SEMA4D: variants seen among roughly 807,000 people sequenced by gnomAD.
SEMA4D encodes semaphorin 4D.
SEMA4D carries 22 observed loss-of-function variants against 74.8 expected under a neutral mutation model. That is an observed-to-expected ratio of 0.29 (90% CI 0.21 to 0.42). The LOEUF is 0.42. Ranked by LOEUF, SEMA4D falls within the 10% of genes least tolerant of loss-of-function variation. The probability of loss-of-function intolerance (pLI) is 1.00; values close to 1 mark genes in which losing one functional copy is unlikely to be tolerated. For synonymous variants in SEMA4D, 445 were observed against 463.7 expected (o/e 0.96, Z 0.52); for missense variants, 937 against 1,118.4 (o/e 0.84, Z 2.31).
In SEMA4D at chr9:89,381,610, C is replaced by T. The variant is rs2132746178; in HGVS notation, c.1447-264G>A. On this transcript the variant is annotated intron_variant, in intron 13 of 15. Coordinates refer to ENST00000422704, the MANE Select transcript of SEMA4D (RefSeq NM_001371194.2). The surrounding 1 kb of genome is among the most constrained non-coding windows in gnomAD (Gnocchi z 4.6). ...CTGGGCACCCACAGGTGCCTGCCCT[C>T]CAGCAAAGCGCTTCTCTGCACGTGT... 2.7e-6 allele frequency: 1 copy of T among 372,990 alleles called. No homozygotes were observed. The highest frequency in any genetic ancestry group is 2.0e-5 in the African/African-American group (1 of 48,984). 23.1% of individuals were successfully genotyped at this position (372,990 alleles called of 1,614,324 possible).
At chr9:89,416,750 T>C (rs1048886958) in intron 2 of SEMA4D, among the ~76,000 whole-genome samples, 5 of 152,244 alleles carry the variant, frequency 3.3e-5, no homozygotes, top group Admixed American at 1.3e-4. Context: ...TACTTTTATA[T>C]TGCTTCTGTA....
Position 89,388,851 on chromosome 9 carries a change from G to A in SEMA4D, c.950+21C>T, listed in dbSNP as rs367972555. 77 of 1,610,218 alleles carry A rather than the reference G, an allele frequency of 4.8e-5. 2 individuals carry two copies. The highest frequency in any genetic ancestry group is 1.2e-4 in the South Asian group (11 of 91,052). ...GCGGCATCAAGGGAGCAAGGAGGGG[G>A]ACTCCACCCAGGGCACTTACAGCTG... On this transcript the variant is annotated intron_variant, in intron 10 of 15. Transcript: ENST00000422704.
At chr9:89,434,341 G>A (rs558816167) in intron 2 of SEMA4D, among the ~76,000 whole-genome samples, 2 of 152,312 alleles carry the variant, frequency 1.3e-5, no homozygotes, top group African/African-American at 4.8e-5. Flanking sequence ...GGCGTTGGGC[G>A]CCTTCTCAAT....
chr9:89,437,860 G>A (rs540102579), intron 2 of SEMA4D, among the ~76,000 whole-genome samples: 1 of 152,356 alleles, frequency 6.6e-6, no homozygotes, highest in Non-Finnish European at 1.5e-5. Flanking sequence ...ACAGGGACAT[G>A]CTTGAACCCA....
chr9:89,363,266 T>TC (rs1564475660), intron 18 of SEMA4D, among the ~76,000 whole-genome samples: 17 of 142,734 alleles, frequency 1.2e-4, no homozygotes, highest in African/African-American at 3.8e-4. Flanking sequence ...GACGTGGGAT[T>TC]TCCCCCCCCA....
At chr9:89,479,495 G>A (rs771974763) in intron 1 of SEMA4D, 4 of 175,880 alleles carry the variant, frequency 2.3e-5, no homozygotes, top group African/African-American at 2.4e-5. Context: ...TATTGTGTCC[G>A]GAATTGGTGG....
chr9:89,471,698 T>G (rs1203840680), intron 1 of SEMA4D, among the ~76,000 whole-genome samples: 1 of 146,122 alleles, frequency 6.8e-6, no homozygotes, highest in African/African-American at 2.6e-5. Context: ...GCATGCCAGA[T>G]AGGGTGCACG....
chr9:89,449,924 T>C, intron 2 of SEMA4D: 1 of 1,453,550 alleles, frequency 6.9e-7, no homozygotes, highest in Non-Finnish European at 9.6e-7. Flanking sequence ...CTAATGTAGC[T>C]CGTACTTTTC....
At chr9:89,450,124 A>G in intron 2 of SEMA4D, 2 of 1,244,564 alleles carry the variant, frequency 1.6e-6, no homozygotes, top group African/African-American at 3.0e-5. Context: ...CTGTCACACC[A>G]GCTGAAGCAG....
chr9:89,475,666 G>A (rs1289569961), intron 1 of SEMA4D, among the ~76,000 whole-genome samples: 1 of 152,170 alleles, frequency 6.6e-6, no homozygotes, highest in Admixed American at 6.5e-5. Context: ...GCCTGCCGTG[G>A]ACCACCAGGC....
intron 1 of SEMA4D, among the ~76,000 whole-genome samples, chr9:89,471,017 A>G (rs1860049311): frequency 6.6e-6 from 1 of 152,264 alleles, no homozygotes; most frequent in Admixed American, 6.5e-5. Context: ...GCACACTGAG[A>G]TAATCATTCT....
chr9:89,415,012 A>G (rs1177019950), intron 2 of SEMA4D, among the ~76,000 whole-genome samples: 1 of 152,226 alleles, frequency 6.6e-6, no homozygotes, highest in Non-Finnish European at 1.5e-5. Context: ...TGTCGGCAGG[A>G]CAAGCGCTAT....
chr9:89,362,528 C>T (rs45440499), intron 18 of SEMA4D: 31 of 1,599,298 alleles, frequency 1.9e-5, no homozygotes, highest in Non-Finnish European at 2.6e-5. Flanking sequence ...GCAGAGCACT[C>T]AAGGCCTCAG....
chr9:89,382,310 G>A (rs1045342886), intron 13 of SEMA4D, among the ~76,000 whole-genome samples: 1 of 152,222 alleles, frequency 6.6e-6, no homozygotes, highest in African/African-American at 2.4e-5. Context: ...ACAGCCTGGG[G>A]ACACCTTTTG....
At chr9:89,474,632 G>A (rs1382917889) in intron 1 of SEMA4D, among the ~76,000 whole-genome samples, 1 of 152,166 alleles carries the variant, frequency 6.6e-6, no homozygotes, top group Non-Finnish European at 1.5e-5. Context: ...CCCTGGAAGA[G>A]GACAAGGGCT....
At chr9:89,485,780 C>A (rs1234734055) in intron 1 of SEMA4D, among the ~76,000 whole-genome samples, 1 of 84,242 alleles carries the variant, frequency 1.2e-5, no homozygotes, top group Admixed American at 1.7e-4. Context: ...AAGAGCAAAA[C>A]TCCATCTCAA....
At chr9:89,463,551 C>T (rs916450944) in intron 1 of SEMA4D, among the ~76,000 whole-genome samples, 6 of 152,148 alleles carry the variant, frequency 3.9e-5, no homozygotes, top group Admixed American at 1.3e-4. Flanking sequence ...TTTTCATTTT[C>T]GCAGCAGAGG....
chr9:89,362,910 C>T (rs536758266), intron 18 of SEMA4D, among the ~76,000 whole-genome samples: 1 of 152,278 alleles, frequency 6.6e-6, no homozygotes, highest in African/African-American at 2.4e-5. Context: ...CGTGGGGAGA[C>T]AGGGAGCCTC....
chr9:89,472,392 C>T, intron 1 of SEMA4D: 1 of 343,650 alleles, frequency 2.9e-6, no homozygotes, highest in Non-Finnish European at 5.7e-6. Context: ...CAGGAATGAT[C>T]ACTGGGCATC....
Sources: allele counts gnomAD v4.1 joint callset (sites outside exome capture counted in the v4.1 genomes callset), GRCh38; gene constraint gnomAD v4.1.1; non-coding constraint Gnocchi (gnomAD v3.1); transcripts MANE v1.5; gene names NCBI Gene and HGNC (gene_info 2026-07-23, HGNC 2026-07-21).